ZSWIM5: variants seen among roughly 807,000 people sequenced by gnomAD.
The protein encoded by ZSWIM5 is zinc finger SWIM-type containing 5.
In ZSWIM5, 55 loss-of-function variants were observed where a neutral mutation model predicts 119.6. The ratio of observed to expected loss-of-function variants is 0.46; its 90% CI spans 0.37 to 0.58. The LOEUF is 0.58. Among genes scored for constraint, ZSWIM5 ranks in the 20% least tolerant of loss-of-function variants. The probability of loss-of-function intolerance (pLI) is 0.00; values close to 1 mark genes in which losing one functional copy is unlikely to be tolerated. For synonymous variants in ZSWIM5, 537 were observed against 606.9 expected (o/e 0.88, Z 1.69); for missense variants, 1,193 against 1,512.8 (o/e 0.79, Z 3.51).
intron 12 of ZSWIM5, among the ~76,000 whole-genome samples, chr1:45,020,407 C>T (rs2148985988): frequency 6.6e-6 from 1 of 152,292 alleles, no homozygotes; most frequent in East Asian, 1.9e-4. Context: ...AAGATAGGGA[C>T]CCCAGGGAGC....
chr1:45,017,555 T>TACAC lies in ZSWIM5; in HGVS notation c.*895_*898dup, dbSNP rs750541558. The TACAC allele has an allele frequency of 3.9e-5, 6 of 152,210 alleles. No individual in the cohort carries two copies. Among genetic ancestry groups the TACAC allele is most frequent in the Non-Finnish European group, 7.3e-5 (5 of 68,052 alleles). The allele number at this position is 152,210 out of a possible 1,614,324, so 9.4% of individuals were successfully genotyped here. A position where few individuals can be genotyped will look rare whatever the true frequency, so the allele number is the denominator to read the frequency against. On this transcript the variant is annotated 3_prime_UTR_variant, in exon 14 of 14. Coordinates refer to ENST00000359600, the MANE Select transcript of ZSWIM5 (RefSeq NM_020883.2). ...GCATGCACAGATGTATCTATGTACA[T>TACAC]ACACACATGTACTTAGCCATAAAGA... is the stretch of plus-strand genomic sequence containing the variant.
intron 1 of ZSWIM5, among the ~76,000 whole-genome samples, chr1:45,138,837 T>C (rs1645706243): frequency 1.3e-5 from 2 of 152,036 alleles, no homozygotes; most frequent in African/African-American, 2.4e-5. Flanking sequence ...GACAAGGACT[T>C]ATGAAAAGCT....
At chr1:45,112,733 T>TA (rs1176092567) in intron 1 of ZSWIM5, among the ~76,000 whole-genome samples, 1 of 152,202 alleles carries the variant, frequency 6.6e-6, no homozygotes, top group African/African-American at 2.4e-5. Context: ...CTACAAGAGA[T>TA]ACTAGCTCCT....
At chr1:45,041,134 A>G (rs1169000840) in intron 6 of ZSWIM5, among the ~76,000 whole-genome samples, 1 of 152,258 alleles carries the variant, frequency 6.6e-6, no homozygotes, top group Non-Finnish European at 1.5e-5. Context: ...TTCCTGACAA[A>G]GGAAACATAA....
intron 2 of ZSWIM5, among the ~76,000 whole-genome samples, chr1:45,084,434 A>G (rs180697450): frequency 6.6e-6 from 1 of 152,196 alleles, no homozygotes; most frequent in African/African-American, 2.4e-5. Context: ...GCAAAATACA[A>G]TCACCCTTCT....
intron 1 of ZSWIM5, among the ~76,000 whole-genome samples, chr1:45,185,054 A>G (rs1326633384): frequency 6.6e-6 from 1 of 152,216 alleles, no homozygotes; most frequent in Non-Finnish European, 1.5e-5. Flanking sequence ...AAACAGAGAT[A>G]TAGATCAATG....
chr1:45,121,219 C>T (rs887999765), intron 1 of ZSWIM5, among the ~76,000 whole-genome samples: 3 of 152,138 alleles, frequency 2.0e-5, no homozygotes, highest in South Asian at 2.1e-4. Context: ...CCAAAGTGTT[C>T]GGATTACAGG....
intron 1 of ZSWIM5, among the ~76,000 whole-genome samples, chr1:45,194,820 T>G (rs1348398386): frequency 6.6e-6 from 1 of 150,714 alleles, no homozygotes; most frequent in Non-Finnish European, 1.5e-5. Flanking sequence ...GAGCTTGCAG[T>G]GAGCCGAGAT....
At chr1:45,119,390 C>T (rs1477180218) in intron 1 of ZSWIM5, among the ~76,000 whole-genome samples, 1 of 152,140 alleles carries the variant, frequency 6.6e-6, no homozygotes, top group Admixed American at 6.6e-5. Flanking sequence ...TATTTAAGCT[C>T]GGAAATACTC....
chr1:45,068,478 G>A (rs1383133661), intron 2 of ZSWIM5, among the ~76,000 whole-genome samples: 3 of 134,884 alleles, frequency 2.2e-5, no homozygotes, highest in Non-Finnish European at 3.1e-5. Flanking sequence ...TCTGGGCAAC[G>A]AGAGCGAAAC....
Position 45,018,786 on chromosome 1 carries a change from C to A in ZSWIM5, c.3226G>T (p.Asp1076Tyr). The A allele has an allele frequency of 6.2e-7, 1 of 1,614,242 alleles. No homozygotes were observed. Among genetic ancestry groups the A allele is most frequent in the South Asian group, 1.1e-5 (1 of 91,086 alleles). The stretch of plus-strand genomic sequence containing the variant: ...GTCACTGTGCAGCGTCGTAAGATGT[C>A]TGAAAGCACTGTGGCACAGTGCACA... ...KSVHCATVLS[D>Y]ILRRCTVTAP... Residue 1076 changes from aspartate (D) to tyrosine (Y), a missense_variant, in exon 14 of 14, where the codon GAC (aspartate) becomes TAC (tyrosine). Around this residue, in one of 2 missense-constraint regions of ZSWIM5, gnomAD observed 961 missense variants for 1,290.0 expected, o/e 0.74. Coordinates refer to ENST00000359600, the MANE Select transcript of ZSWIM5 (RefSeq NM_020883.2). The surrounding 1 kb of genome is among the most constrained non-coding windows in gnomAD (Gnocchi z 6.7).
At position 45,206,440 on chromosome 1, in the gene ZSWIM5, C is replaced by T. The variant is rs1220528508; in HGVS notation, c.-90G>A. ...CACGGCCACGCGCCCCGCGCAAGCG[C>T]CCAGCGGTGGCGCCGAGGGGGGCGG... On this transcript the variant is annotated 5_prime_UTR_variant, in exon 1 of 14. Coordinates refer to ENST00000359600, the MANE Select transcript of ZSWIM5 (RefSeq NM_020883.2). The T allele has an allele frequency of 3.2e-6, 4 of 1,232,512 alleles. No individual in the cohort carries two copies. The African/African-American group carries it at 4.7e-5, about 14-fold the overall frequency. 76.3% of individuals were successfully genotyped at this position (1,232,512 alleles called of 1,614,324 possible). A position where few individuals can be genotyped will look rare whatever the true frequency, so the allele number is the denominator to read the frequency against.
chr1:45,028,934 T>TA (rs1208030237), intron 11 of ZSWIM5, among the ~76,000 whole-genome samples: 1 of 152,154 alleles, frequency 6.6e-6, no homozygotes, highest in Non-Finnish European at 1.5e-5. Flanking sequence ...AAATAAAATT[T>TA]AAAACAAATC....
rs538692438 is a variant in ZSWIM5, at chr1:45,168,052, T to G, written c.595+37704A>C. Among the ~76,000 whole-genome samples, 3 of 152,230 alleles carry G rather than the reference T, an allele frequency of 2.0e-5. No homozygotes were observed. The East Asian group carries it at 5.8e-4, about 29-fold the overall frequency. ...ATGTTTACTGTGGCACTATTCACAA[T>G]AGCAAAGACTTGGAAGCAACCCAAA... On this transcript the variant is annotated intron_variant, in intron 1 of 13. Transcript: ENST00000359600.
At chr1:45,037,612 CAAACTCAGGTTTCCAAGATGTA>C (rs1216548732) in intron 8 of ZSWIM5, among the ~76,000 whole-genome samples, 1 of 152,204 alleles carries the variant, frequency 6.6e-6, no homozygotes, top group Non-Finnish European at 1.5e-5. Context: ...AACCCAAGTG[CAAACTCAGGTTTCCAAGATGTA>C]AATGTCACTG....
intron 4 of ZSWIM5, among the ~76,000 whole-genome samples, chr1:45,055,517 T>C (rs1006225481): frequency 3.3e-5 from 5 of 152,206 alleles, no homozygotes; most frequent in African/African-American, 1.2e-4. Context: ...TTAAGAGTTC[T>C]GTGATGTCTG....
chr1:45,191,697 C>T (rs546164617), intron 1 of ZSWIM5, among the ~76,000 whole-genome samples: 36 of 152,282 alleles, frequency 2.4e-4, no homozygotes, highest in African/African-American at 8.2e-4. Context: ...TCCAAGGTTA[C>T]ACAGCTAGAA....
chr1:45,205,867 G>A lies in ZSWIM5; in HGVS notation c.484C>T (p.Pro162Ser), dbSNP rs973052508. 1.2e-5 allele frequency: 16 copies of A among 1,356,924 alleles called. No homozygotes were observed. Among genetic ancestry groups the A allele is most frequent in the African/African-American group, 1.6e-5 (1 of 64,128 alleles). 84.1% of individuals were successfully genotyped at this position (1,356,924 alleles called of 1,614,324 possible). A position where few individuals can be genotyped will look rare whatever the true frequency, so the allele number is the denominator to read the frequency against. ...GCGCCGGCCCCTGCGCCCAGCCCGG[G>A]GGATGCCCCAGCCGCGACGCCCCCG... ...APGGVAAGAS[P>S]GLGAGAGAAG... The change falls in exon 1 of 14, where the codon CCC becomes TCC. Residue 162 changes from proline (P) to serine (S), a missense_variant. Around this residue, in one of 2 missense-constraint regions of ZSWIM5, gnomAD observed 961 missense variants for 1,290.0 expected, o/e 0.74. Transcript: ENST00000359600.
In ZSWIM5 at chr1:45,020,925, TCG is replaced by T. The variant is rs374859939; in HGVS notation, c.2450-139_2450-138del. The T allele has an allele frequency of 7.8e-5, 78 of 1,006,224 alleles. No homozygotes were observed. The African/African-American group carries it at 1.1e-3, about 14-fold the overall frequency. 62.3% of individuals were successfully genotyped at this position (1,006,224 alleles called of 1,614,324 possible). Reference sequence around the variant, plus strand: ...GAATGCTACCGCCCCTTCTGGGTTATCGAGCTGTCTCCACTAATCACATTTGA... The same window carrying T: ...GAATGCTACCGCCCCTTCTGGGTTATAGCTGTCTCCACTAATCACATTTGA... On this transcript the variant is annotated intron_variant, in intron 11 of 13. Coordinates refer to ENST00000359600, the MANE Select transcript of ZSWIM5 (RefSeq NM_020883.2).
Sources: gnomAD v4.1 joint callset for allele counts (sites outside exome capture counted in the v4.1 genomes callset) on GRCh38, gnomAD v4.1.1 for gene constraint, gnomAD v4.1.1 regional missense constraint, Gnocchi (gnomAD v3.1) non-coding constraint, MANE v1.5 for transcripts, NCBI Gene and HGNC (gene_info 2026-07-23, HGNC 2026-07-21) for gene names.